Variants in CACNA1A observed in about 807,000 individuals in gnomAD.
CACNA1A encodes the protein voltage-dependent P/Q-type calcium channel subunit alpha-1A.
CACNA1A carries 57 observed loss-of-function variants against 262.4 expected under a neutral mutation model. The ratio of observed to expected loss-of-function variants is 0.22; its 90% CI spans 0.18 to 0.27. The LOEUF (loss-of-function observed/expected upper bound fraction) is 0.27. Among genes scored for constraint, CACNA1A ranks in the 10% least tolerant of loss-of-function variants. The pLI, the probability that CACNA1A is intolerant of heterozygous loss-of-function variation, is 1.00. For synonymous variants in CACNA1A, 1,431 were observed against 1,419.3 expected (o/e 1.01, Z -0.18); for missense variants, 2,526 against 3,562.8 (o/e 0.71, Z 7.41).
intron 3 of CACNA1A, among the ~76,000 whole-genome samples, chr19:13,449,295 A>C (rs956390011): frequency 6.6e-6 from 1 of 151,590 alleles, no homozygotes; most frequent in Non-Finnish European, 1.5e-5. Flanking sequence ...AAAACAAAAA[A>C]CAACAACAAC....
At chr19:13,358,878 G>A (rs1418217221) in intron 6 of CACNA1A, among the ~76,000 whole-genome samples, 1 of 152,206 alleles carries the variant, frequency 6.6e-6, no homozygotes, top group Non-Finnish European at 1.5e-5. Flanking sequence ...ACTGGGTCAA[G>A]GTGTGGGGAG....
At chr19:13,305,131 G>A (rs773693620) in intron 15 of CACNA1A, among the ~76,000 whole-genome samples, 2 of 152,226 alleles carry the variant, frequency 1.3e-5, no homozygotes, top group South Asian at 2.1e-4. Flanking sequence ...AGGGTGGAAC[G>A]TAAACAGTAT....
At chr19:13,294,583 C>T (rs1419021729) in intron 19 of CACNA1A, among the ~76,000 whole-genome samples, 3 of 145,472 alleles carry the variant, frequency 2.1e-5, no homozygotes, top group South Asian at 2.2e-4. Context: ...ACCTCTGCCT[C>T]GCAGGACAAT....
At chr19:13,249,001 T>A (rs1183505280) in intron 30 of CACNA1A, among the ~76,000 whole-genome samples, 1 of 152,214 alleles carries the variant, frequency 6.6e-6, no homozygotes, top group Non-Finnish European at 1.5e-5. Flanking sequence ...CCGGGTCTTG[T>A]GTTGTTGCTC....
intron 3 of CACNA1A, among the ~76,000 whole-genome samples, chr19:13,449,221 G>C (rs960524192): frequency 5.9e-5 from 9 of 151,712 alleles, no homozygotes; most frequent in African/African-American, 2.2e-4. Flanking sequence ...TCCTGCCCTG[G>C]CCTCTCAAAG....
chr19:13,380,311 T>A, intron 3 of CACNA1A, among the ~76,000 whole-genome samples: 1 of 119,034 alleles, frequency 8.4e-6, no homozygotes. Context: ...AAAAAGTGTT[T>A]AGACCAGCAC....
Position 13,212,833 on chromosome 19 carries a change from C to T in CACNA1A, c.5941-93G>A, listed in dbSNP as rs2054867066. The T allele has an allele frequency of 3.5e-6, 2 of 573,608 alleles. No individual in the cohort carries two copies. Among genetic ancestry groups the T allele is most frequent in the Non-Finnish European group, 6.1e-6 (2 of 326,212 alleles). The allele number at this position is 573,608 out of a possible 1,614,324, so 35.5% of individuals were successfully genotyped here. A position where few individuals can be genotyped will look rare whatever the true frequency, so the allele number is the denominator to read the frequency against. On this transcript the variant is annotated intron_variant, in intron 40 of 46. Transcript: ENST00000360228. This position sits in a 1 kb window ranked among gnomAD's most constrained non-coding sequence, Gnocchi z 5.6. ...CATTGCGACATCCCCAGTATACACA[C>T]ACACACACACACACACTCTCTCAGG...
chr19:13,266,581 T>C (rs2056869101), intron 24 of CACNA1A, among the ~76,000 whole-genome samples: 1 of 151,320 alleles, frequency 6.6e-6, no homozygotes, highest in Non-Finnish European at 1.5e-5. Flanking sequence ...ATTTATTTTA[T>C]ATATTTTTTT....
Position 13,347,897 on chromosome 19 carries a change from G to A in CACNA1A, c.978+11709C>T, listed in dbSNP as rs555987800. ...TTAGCAACCACTGGCCAGGGGACAC[G>A]CATTTATTTATTTATTTATTTTTAA... On this transcript the variant is annotated intron_variant, in intron 6 of 46. Coordinates refer to ENST00000360228, the MANE Select transcript of CACNA1A (RefSeq NM_001127222.2). Among the ~76,000 whole-genome samples the A allele has an allele frequency of 8.5e-5, 13 of 152,078 alleles. No individual in the cohort carries two copies. In the South Asian group the frequency reaches 2.1e-3, roughly 24 times the overall value.
At chr19:13,287,038 G>T in intron 19 of CACNA1A, 72 bp from the exon 20 acceptor site, 1 of 1,227,104 alleles carries the variant, frequency 8.1e-7, no homozygotes, top group Non-Finnish European at 1.1e-6. Context: ...CAGGATCCTA[G>T]CTAAGATTCC....
At chr19:13,488,595 T>C (rs1980343759) in intron 1 of CACNA1A, among the ~76,000 whole-genome samples, 1 of 151,750 alleles carries the variant, frequency 6.6e-6, no homozygotes, top group Non-Finnish European at 1.5e-5. Flanking sequence ...AGATGGAGTT[T>C]CACCATGTTG....
intron 24 of CACNA1A, among the ~76,000 whole-genome samples, chr19:13,269,967 A>G (rs11666060): frequency 0.18 from 27,445 of 152,182 alleles, 2,828 homozygotes; most frequent in Middle Eastern, 0.24. Flanking sequence ...GTTCCTTTCA[A>G]CAAGGAAGGG....
At chr19:13,265,821 A>G (rs187785052) in intron 24 of CACNA1A, among the ~76,000 whole-genome samples, 22 of 148,466 alleles carry the variant, frequency 1.5e-4, no homozygotes, top group African/African-American at 5.0e-4. Context: ...AGGCAACAAC[A>G]TTGTCTGGTT....
rs1568709503 is a variant in CACNA1A at position 13,497,514 on chromosome 19, AAAAAAAAATATATATATATATATAT to A, written c.293+8393_293+8417del. Among the ~76,000 whole-genome samples the A allele has an allele frequency of 1.4e-3, 56 of 39,254 alleles. 3 individuals carry two copies. The highest frequency in any genetic ancestry group is 2.1e-3 in the Non-Finnish European group (48 of 22,856). The allele number at this position is 39,254 out of a possible 152,430, so 25.8% of individuals were successfully genotyped here. A position where few individuals can be genotyped will look rare whatever the true frequency, so the allele number is the denominator to read the frequency against. On this transcript the variant is annotated intron_variant, in intron 1 of 46. Coordinates refer to ENST00000360228, the MANE Select transcript of CACNA1A (RefSeq NM_001127222.2). The stretch of plus-strand genomic sequence containing the variant: ...AAAAAAAAAAAAAAAAAAAAAAAAA[AAAAAAAAATATATATATATATATAT>A]ATATATATATATATATATATATATA...
intron 1 of CACNA1A, among the ~76,000 whole-genome samples, chr19:13,485,558 G>T (rs552111881): frequency 6.6e-6 from 1 of 152,110 alleles, no homozygotes; most frequent in African/African-American, 2.4e-5. Flanking sequence ...ATCAAAAATG[G>T]ACAGAGCATG....
chr19:13,308,799 C>T lies in CACNA1A; in HGVS notation c.1669-271G>A, dbSNP rs1484627214. On this transcript the variant is annotated intron_variant, in intron 12 of 46. Transcript: ENST00000360228. The surrounding 1 kb of genome is among the most constrained non-coding windows in gnomAD (Gnocchi z 4.2). ...TTAAGTGATCCTCCCACCTCAGCCT[C>T]TTGAGTAGCTGGGATTACAGGTGTG... The T allele has an allele frequency of 3.6e-6, 1 of 275,256 alleles. No homozygotes were observed. The highest frequency in any genetic ancestry group is 6.8e-5 in the East Asian group (1 of 14,718). The allele number at this position is 275,256 out of a possible 1,614,324, so 17.1% of individuals were successfully genotyped here. A position where few individuals can be genotyped will look rare whatever the true frequency, so the allele number is the denominator to read the frequency against.
At chr19:13,380,946 GTA>G (rs1478870471) in intron 3 of CACNA1A, among the ~76,000 whole-genome samples, 19 of 151,708 alleles carry the variant, frequency 1.3e-4, no homozygotes, top group Non-Finnish European at 2.2e-4. Flanking sequence ...GCTAATTTTT[GTA>G]TTTTTTTTGG....
Position 13,208,944 on chromosome 19 carries a change from C to G in CACNA1A, c.6592G>C (p.Glu2198Gln), listed in dbSNP as rs1168451901. The change falls in exon 46 of 47, where the codon GAG becomes CAG. Residue 2198 changes from glutamate to glutamine, a missense_variant. By Grantham distance (29) the Glu-to-Gln change is conservative. Transcript: ENST00000360228. ...TTCCGATCCTTGGGCCGGCCCCGCTCCTGGTCCCGCTCCTTCGACGGCAGG... is the reference window on the plus strand; with the variant it reads ...TTCCGATCCTTGGGCCGGCCCCGCTGCTGGTCCCGCTCCTTCGACGGCAGG... ...GDLPSKERDQ[E>Q]RGRPKDRKHR... The G allele has an allele frequency of 1.3e-6, 2 of 1,536,758 alleles. No homozygotes were observed. Among genetic ancestry groups the G allele is most frequent in the Non-Finnish European group, 1.7e-6 (2 of 1,146,822 alleles).
rs780134842 is a variant in CACNA1A, at chr19:13,334,403, C to A, written c.1173G>T (p.Gly391=). 2.5e-6 allele frequency: 4 copies of A among 1,599,730 alleles called. No individual in the cohort carries two copies. In the East Asian group the frequency reaches 6.7e-5, roughly 27 times the overall value. Residue 391 remains glycine, a synonymous_variant, in exon 8 of 47, where the codon GGG becomes GGT. Coordinates refer to ENST00000360228, the MANE Select transcript of CACNA1A (RefSeq NM_001127222.2). ...RQQQIERELN[G]YMEWISKAEE... ...CTGCTTTTGAGATCCACTCCATGTA[C>A]CCATTGAGCTCACGTTCAATCTGTT... is the stretch of plus-strand genomic sequence containing the variant.
Sources: allele counts gnomAD v4.1 joint callset (sites outside exome capture counted in the v4.1 genomes callset), GRCh38; gene constraint gnomAD v4.1.1; non-coding constraint Gnocchi (gnomAD v3.1); transcripts MANE v1.5; gene names NCBI Gene and HGNC (gene_info 2026-07-23, HGNC 2026-07-21).